APLF: variants seen among roughly 807,000 people sequenced by gnomAD.
APLF encodes aprataxin and PNK-like factor.
A neutral mutation model predicts 55.6 loss-of-function variants in APLF; 61 were observed. That is an observed-to-expected ratio of 1.10 (90% CI 0.89 to 1.36). APLF has a LOEUF of 1.36. Ranked by LOEUF, APLF falls within the 40% of genes most tolerant of loss-of-function variation. APLF has a pLI of 0.00. For missense variants in APLF, 611 were observed against 602.5 expected (o/e 1.01, Z -0.15); for synonymous variants, 207 against 214.8 (o/e 0.96, Z 0.32).
intron 8 of APLF, chr2:68,562,959 T>G (rs1671207309): frequency 2.1e-6 from 1 of 477,670 alleles, no homozygotes; most frequent in Non-Finnish European, 2.7e-6. Flanking sequence ...GTCCATCTAT[T>G]CTGTGAGTTC....
intron 1 of APLF, among the ~76,000 whole-genome samples, chr2:68,471,420 C>T (rs913587594): frequency 5.3e-5 from 8 of 152,128 alleles, no homozygotes; most frequent in African/African-American, 1.9e-4. Flanking sequence ...GAATGAGAAA[C>T]AAGTCTTTGC....
At chr2:68,568,225 A>G (rs1307450722) in intron 9 of APLF, 4 of 973,456 alleles carry the variant, frequency 4.1e-6, no homozygotes, top group South Asian at 4.7e-5. Flanking sequence ...CATATCATTC[A>G]TATAATACAG....
intron 5 of APLF, among the ~76,000 whole-genome samples, chr2:68,518,786 T>G (rs1344277643): frequency 1.4e-5 from 1 of 73,972 alleles, no homozygotes; most frequent in Non-Finnish European, 2.4e-5. Context: ...CATTATATAA[T>G]AAAATATTAA....
At chr2:68,470,039 G>C (rs1404749307) in intron 1 of APLF, among the ~76,000 whole-genome samples, 1 of 152,104 alleles carries the variant, frequency 6.6e-6, no homozygotes, top group African/African-American at 2.4e-5. Context: ...AGAGAACAAA[G>C]GACAATGAAA....
In APLF at chr2:68,529,385, A is replaced by G. The variant is rs897535247; in HGVS notation, c.804+3143A>G. Reference sequence around the variant, plus strand: ...CCGGCCAGCTGGGAAGGCCTCACGGACAAGACGAGCAGGTTGCCGATGGCA... The same window carrying G: ...CCGGCCAGCTGGGAAGGCCTCACGGGCAAGACGAGCAGGTTGCCGATGGCA... On this transcript the variant is annotated intron_variant, in intron 6 of 9. Transcript: ENST00000303795. The surrounding 1 kb of genome is among the most constrained non-coding windows in gnomAD (Gnocchi z 4.4). 7.6e-5 allele frequency: 98 copies of G among 1,286,336 alleles called. No individual in the cohort carries two copies. Among genetic ancestry groups the G allele is most frequent in the African/African-American group, 6.7e-4 (45 of 66,716 alleles). 79.7% of individuals were successfully genotyped at this position (1,286,336 alleles called of 1,614,324 possible).
chr2:68,484,776 C>A (rs1676074806), intron 1 of APLF, among the ~76,000 whole-genome samples: 1 of 151,364 alleles, frequency 6.6e-6, no homozygotes, highest in South Asian at 2.1e-4. Context: ...GTGGGCAGAT[C>A]ACTTGGAGCC....
intron 3 of APLF, among the ~76,000 whole-genome samples, chr2:68,509,289 A>G (rs1676969694): frequency 6.6e-6 from 1 of 152,190 alleles, no homozygotes; most frequent in South Asian, 2.1e-4. Flanking sequence ...CAGGCAACCT[A>G]CAGAATGGGA....
At chr2:68,521,114 A>G (rs1354278752) in intron 5 of APLF, among the ~76,000 whole-genome samples, 1 of 151,502 alleles carries the variant, frequency 6.6e-6, no homozygotes, top group African/African-American at 2.4e-5. Context: ...TAAAGGGTTG[A>G]GTTCTTGATT....
At chr2:68,510,947 A>G (rs1249780746) in intron 3 of APLF, among the ~76,000 whole-genome samples, 2 of 151,864 alleles carry the variant, frequency 1.3e-5, no homozygotes, top group Non-Finnish European at 1.5e-5. Context: ...TATTTCATTT[A>G]TATGAAATAT....
chr2:68,468,387 A>C (rs72900051), intron 1 of APLF, among the ~76,000 whole-genome samples: 1 of 152,090 alleles, frequency 6.6e-6, no homozygotes, highest in African/African-American at 2.4e-5. Context: ...ATGAGTAGCT[A>C]ACCCTTCATA....
chr2:68,561,637 G>A (rs911399949), intron 8 of APLF, among the ~76,000 whole-genome samples: 4 of 152,028 alleles, frequency 2.6e-5, no homozygotes, highest in African/African-American at 7.2e-5. Flanking sequence ...TTAATGGCAG[G>A]AAATTCTGAC....
At chr2:68,480,440 A>ATTACAGGCGCC (rs977976626) in intron 1 of APLF, among the ~76,000 whole-genome samples, 3 of 151,784 alleles carry the variant, frequency 2.0e-5, no homozygotes, top group East Asian at 3.9e-4. Flanking sequence ...AGTAGCTGGG[A>ATTACAGGCGCC]TTACAGGCGC....
chr2:68,501,986 T>G (rs535792568), intron 2 of APLF, among the ~76,000 whole-genome samples: 1 of 152,146 alleles, frequency 6.6e-6, no homozygotes, highest in Non-Finnish European at 1.5e-5. Flanking sequence ...TTTTGCTGCA[T>G]CATAACGTGG....
intron 8 of APLF, among the ~76,000 whole-genome samples, chr2:68,545,927 GAAAC>G (rs1310434393): frequency 2.6e-5 from 4 of 152,094 alleles, no homozygotes; most frequent in African/African-American, 9.7e-5. Flanking sequence ...AACTTGAAAT[GAAAC>G]AAACTATCAA....
chr2:68,476,911 A>G (rs911807675), intron 1 of APLF, among the ~76,000 whole-genome samples: 17 of 152,278 alleles, frequency 1.1e-4, no homozygotes, highest in South Asian at 8.3e-4. Flanking sequence ...CAGATTCAAC[A>G]AGTATATTGG....
intron 5 of APLF, among the ~76,000 whole-genome samples, chr2:68,523,334 A>T (rs1049488773): frequency 6.6e-6 from 1 of 152,012 alleles, no homozygotes; most frequent in African/African-American, 2.4e-5. Context: ...ATTATCGAAC[A>T]TTGCTTGTGG....
chr2:68,474,608 T>C (rs1420179505), intron 1 of APLF, among the ~76,000 whole-genome samples: 2 of 152,246 alleles, frequency 1.3e-5, no homozygotes, highest in African/African-American at 4.8e-5. Flanking sequence ...TCTTCTCACA[T>C]GTCTTCATAC....
chr2:68,479,952 T>C (rs1244016346), intron 1 of APLF, among the ~76,000 whole-genome samples: 1 of 152,196 alleles, frequency 6.6e-6, no homozygotes, highest in African/African-American at 2.4e-5. Context: ...ATAATACATA[T>C]ATTTTCTCTT....
chr2:68,543,793 A>ATGAAT (rs1388069552), intron 7 of APLF, among the ~76,000 whole-genome samples: 1 of 152,144 alleles, frequency 6.6e-6, no homozygotes, highest in Admixed American at 6.5e-5. Flanking sequence ...ATGTAACAAC[A>ATGAAT]TGAATTAATC....
Sources: allele counts gnomAD v4.1 joint callset (sites outside exome capture counted in the v4.1 genomes callset), GRCh38; gene constraint gnomAD v4.1.1; non-coding constraint Gnocchi (gnomAD v3.1); transcripts MANE v1.5; gene names NCBI Gene and HGNC (gene_info 2026-07-23, HGNC 2026-07-21).